Variants in NEK7 observed in about 807,000 individuals in gnomAD.
The protein encoded by NEK7 is serine/threonine-protein kinase Nek7.
In NEK7, 18 loss-of-function variants were observed where a neutral mutation model predicts 44.6. The ratio of observed to expected loss-of-function variants is 0.40; its 90% CI spans 0.28 to 0.60. The LOEUF is 0.60. Among genes scored for constraint, NEK7 ranks in the 20% least tolerant of loss-of-function variants. The pLI is 0.38. For missense variants in NEK7, 256 were observed against 366.5 expected (o/e 0.70, Z 2.46); for synonymous variants, 130 against 121.1 (o/e 1.07, Z -0.48).
chr1:198,252,295 C>G lies in NEK7; in HGVS notation c.58-745C>G, dbSNP rs994408301. On this transcript the variant is annotated intron_variant, in intron 2 of 9. Transcript: ENST00000367385. ...TTGTTGAGGAGAGCTTTACTTCCAC[C>G]TATGTGGTCAATTTTGGAATAGGTG... 2.0e-3 allele frequency among the ~76,000 whole-genome samples: 297 copies of G among 151,590 alleles called. 1 individual carries two copies. Among genetic ancestry groups the G allele is most frequent in the Middle Eastern group, 6.8e-3 (2 of 292 alleles).
intron 2 of NEK7, among the ~76,000 whole-genome samples, chr1:198,236,008 A>G (rs374657662): frequency 1.4e-4 from 21 of 152,122 alleles, no homozygotes; most frequent in African/African-American, 5.1e-4. Context: ...TCAGACTGTA[A>G]TCCATTTACT....
Position 198,241,019 on chromosome 1 carries a change from C to T in NEK7, c.57+8382C>T, listed in dbSNP as rs184062971. On this transcript the variant is annotated intron_variant, in intron 2 of 9. Coordinates refer to ENST00000367385, the MANE Select transcript of NEK7 (RefSeq NM_133494.3). ...AGACCAATAATTTTTATACAATTCACATGCTATCTCTGATTACCATTCTAA... is the reference window on the plus strand; with the variant it reads ...AGACCAATAATTTTTATACAATTCATATGCTATCTCTGATTACCATTCTAA... 4.6e-3 allele frequency among the ~76,000 whole-genome samples: 708 copies of T among 152,338 alleles called. 3 individuals carry two copies. The highest frequency in any genetic ancestry group is 7.8e-3 in the Non-Finnish European group (532 of 68,030).
rs150952478 is a variant in NEK7 at position 198,168,321 on chromosome 1, C to T, written c.-29+11045C>T. 4.4e-4 allele frequency among the ~76,000 whole-genome samples: 67 copies of T among 152,274 alleles called. No individual in the cohort carries two copies. The East Asian group carries it at 0.011, about 25-fold the overall frequency. ...AGCATGGGCTGTAATGATGTACCAA[C>T]GGTATCTGGTTAGAAAATGTTGAGA... On this transcript the variant is annotated intron_variant, in intron 1 of 9. Coordinates refer to ENST00000367385, the MANE Select transcript of NEK7 (RefSeq NM_133494.3).
At chr1:198,233,290 T>C (rs1011183886) in intron 2 of NEK7, among the ~76,000 whole-genome samples, 1 of 152,060 alleles carries the variant, frequency 6.6e-6, no homozygotes, top group African/African-American at 2.4e-5. Flanking sequence ...TAAAATGAAA[T>C]AAAAAAATCT....
At chr1:198,196,870 G>A (rs1320736954) in intron 1 of NEK7, among the ~76,000 whole-genome samples, 1 of 152,158 alleles carries the variant, frequency 6.6e-6, no homozygotes, top group Non-Finnish European at 1.5e-5. Flanking sequence ...AATGGACGTG[G>A]GGTTGGTCAG....
Position 198,278,356 on chromosome 1 carries a change from A to G in NEK7, c.481+287A>G, listed in dbSNP as rs1048210213. ...TAAGGAAGAGTTTTTTGTTTCTTCA[A>G]ATAAACAATGTATATCATAACCACT... On this transcript the variant is annotated intron_variant, in intron 6 of 9. Coordinates refer to ENST00000367385, the MANE Select transcript of NEK7 (RefSeq NM_133494.3). Among the ~76,000 whole-genome samples the G allele has an allele frequency of 1.3e-4, 19 of 151,528 alleles. 1 individual carries two copies. The highest frequency in any genetic ancestry group is 6.6e-4 in the Admixed American group (10 of 15,190).
At chr1:198,234,959 T>G (rs1489855083) in intron 2 of NEK7, among the ~76,000 whole-genome samples, 1 of 152,200 alleles carries the variant, frequency 6.6e-6, no homozygotes, top group Non-Finnish European at 1.5e-5. Flanking sequence ...CTGCTCTCAG[T>G]AGCATTATTT....
chr1:198,249,300 T>G (rs1311453395), intron 2 of NEK7, among the ~76,000 whole-genome samples: 3 of 152,166 alleles, frequency 2.0e-5, no homozygotes, highest in African/African-American at 7.2e-5. Flanking sequence ...TTGTTGGACA[T>G]TTGGGTTGGT....
chr1:198,295,651 C>T (rs1654693410), intron 8 of NEK7, among the ~76,000 whole-genome samples: 1 of 149,998 alleles, frequency 6.7e-6, no homozygotes, highest in Non-Finnish European at 1.5e-5. Context: ...CTCTGCAGTA[C>T]TGAGAAAAAG....
At chr1:198,194,519 C>CGTTGTTTCCCTCT (rs1225725039) in intron 1 of NEK7, among the ~76,000 whole-genome samples, 8 of 151,908 alleles carry the variant, frequency 5.3e-5, no homozygotes, top group African/African-American at 1.9e-4. Flanking sequence ...TCTATGTGTC[C>CGTTGTTTCCCTCT]ATGTGATCTC....
intron 1 of NEK7, among the ~76,000 whole-genome samples, chr1:198,212,442 T>TA (rs1311173364): frequency 2.0e-5 from 3 of 152,184 alleles, no homozygotes; most frequent in African/African-American, 7.2e-5. Flanking sequence ...GAGTGGGACT[T>TA]AACTGCCGCC....
intron 1 of NEK7, chr1:198,220,962 G>T (rs757006524): frequency 6.6e-6 from 1 of 151,930 alleles, no homozygotes; most frequent in Admixed American, 6.6e-5. Context: ...TTGAGTTTTT[G>T]AATAACCTTG....
At chr1:198,276,435 G>C (rs971910353) in intron 5 of NEK7, among the ~76,000 whole-genome samples, 5 of 151,578 alleles carry the variant, frequency 3.3e-5, no homozygotes, top group African/African-American at 1.2e-4. Context: ...CACATATACA[G>C]GGTTTATTTG....
chr1:198,194,641 A>G (rs1339518596), intron 1 of NEK7, among the ~76,000 whole-genome samples: 1 of 152,194 alleles, frequency 6.6e-6, no homozygotes, highest in South Asian at 2.1e-4. Flanking sequence ...CACAAAGGAC[A>G]TAATCTCCTT....
chr1:198,315,666 C>G (rs1042630744), intron 9 of NEK7, among the ~76,000 whole-genome samples: 1 of 152,002 alleles, frequency 6.6e-6, no homozygotes, highest in Non-Finnish European at 1.5e-5. Context: ...GAGCCTGAGA[C>G]CAATAGGACT....
At chr1:198,197,855 T>G (rs1212290374) in intron 1 of NEK7, 2 of 911,194 alleles carry the variant, frequency 2.2e-6, no homozygotes, top group African/African-American at 1.6e-5. Context: ...TTTGTGAGCT[T>G]TCTTCATTTT....
rs767754281 is a variant in NEK7 at position 198,262,561 on chromosome 1, G to A, written c.199-14G>A. 2.0e-6 allele frequency: 3 copies of A among 1,532,994 alleles called. No individual in the cohort carries two copies. The Admixed American group carries it at 5.3e-5, about 27-fold the overall frequency. The allele number at this position is 1,532,994 out of a possible 1,614,324, so 95.0% of individuals were successfully genotyped here. A position where few individuals can be genotyped will look rare whatever the true frequency, so the allele number is the denominator to read the frequency against. ...GTTATTATTTTATTAAGTAATTCTG[G>A]GTTCTGTTTTTAGATATTTGATTTA... is the stretch of plus-strand genomic sequence containing the variant. On this transcript the variant is annotated splice_polypyrimidine_tract_variant and intron_variant, in intron 3 of 9. Transcript: ENST00000367385.
intron 1 of NEK7, among the ~76,000 whole-genome samples, chr1:198,170,030 G>A (rs1467209025): frequency 6.6e-6 from 1 of 152,182 alleles, no homozygotes; most frequent in Admixed American, 6.5e-5. Context: ...TTGGTTTCAG[G>A]AAAGGTCTAG....
intron 1 of NEK7, among the ~76,000 whole-genome samples, chr1:198,179,040 T>C (rs1253964346): frequency 6.6e-6 from 1 of 151,198 alleles, no homozygotes; most frequent in Non-Finnish European, 1.5e-5. Flanking sequence ...ATTGAGACTG[T>C]CATTTGATAT....
Sources: allele counts gnomAD v4.1 joint callset (sites outside exome capture counted in the v4.1 genomes callset), GRCh38; gene constraint gnomAD v4.1.1; transcripts MANE v1.5; gene names NCBI Gene and HGNC (gene_info 2026-07-23, HGNC 2026-07-21).